RNF212B: variants seen among roughly 807,000 people sequenced by gnomAD.
RNF212B encodes the protein ring finger protein 212B.
Under a neutral mutation model 55.5 loss-of-function variants are expected in RNF212B, and 52 were observed. The ratio of observed to expected loss-of-function variants is 0.94; its 90% confidence interval spans 0.75 to 1.18. The LOEUF (loss-of-function observed/expected upper bound fraction) is 1.18, where lower values mean the gene tolerates loss of function less well. Ranked by LOEUF, RNF212B falls within the 50% of genes most tolerant of loss-of-function variation. The pLI is 0.00. For synonymous variants in RNF212B, 99 were observed against 121.4 expected, an observed-to-expected ratio of 0.82 and a Z score of 1.21; for missense variants, 289 against 350.4, an observed-to-expected ratio of 0.82 and a Z score of 1.40.
chr14:23,223,598 G>C (rs932750415), intron 2 of RNF212B, among the ~76,000 whole-genome samples: 1 of 152,014 alleles, frequency 6.6e-6, no homozygotes, highest in African/African-American at 2.4e-5. Flanking sequence ...CCCGTGATCT[G>C]CCCGCCTCAG....
intron 2 of RNF212B, among the ~76,000 whole-genome samples, chr14:23,215,058 A>G (rs1349553276): frequency 1.3e-5 from 2 of 152,188 alleles, no homozygotes; most frequent in South Asian, 4.1e-4. Flanking sequence ...TGTAATTCCA[A>G]TGTGTTGAGG....
At chr14:23,237,496 T>C (rs1215809205), upstream of RNF212B, among the ~76,000 whole-genome samples, 1 of 152,220 alleles carries the variant, frequency 6.6e-6, no homozygotes, top group African/African-American at 2.4e-5. Flanking sequence ...AATATCACAC[T>C]GTTCTTTGTC....
chr14:23,261,858 G>A (rs1028431342), intron 7 of RNF212B, among the ~76,000 whole-genome samples: 1 of 151,994 alleles, frequency 6.6e-6, no homozygotes, highest in Non-Finnish European at 1.5e-5. Flanking sequence ...CCAGCTGCTC[G>A]GGAGGCTGAG....
At chr14:23,238,768 A>ATC (rs1555316052) in intron 1 of RNF212B, among the ~76,000 whole-genome samples, 9 of 117,466 alleles carry the variant, frequency 7.7e-5, no homozygotes, top group African/African-American at 1.4e-4. Flanking sequence ...TAATAATAAT[A>ATC]ATAATAATAA....
intron 14 of RNF212B, 72 bp downstream of exon 14, chr14:23,270,733 A>G: frequency 1.0e-6 from 1 of 989,968 alleles, no homozygotes; most frequent in Non-Finnish European, 1.6e-6. Context: ...TAAATGCCTC[A>G]GGGTAGTGGA....
intron 3 of RNF212B, among the ~76,000 whole-genome samples, chr14:23,243,556 C>T (rs933318565): frequency 4.6e-5 from 7 of 151,084 alleles, no homozygotes; most frequent in Non-Finnish European, 8.8e-5. Context: ...ATTAGCCAGG[C>T]GTGGTGGTGC....
chr14:23,208,049 G>C (rs1422598818), intron 2 of RNF212B, among the ~76,000 whole-genome samples: 1 of 152,200 alleles, frequency 6.6e-6, no homozygotes, highest in Non-Finnish European at 1.5e-5. Flanking sequence ...TGACTTTGAA[G>C]AGAATGGGAG....
At position 23,267,696 on chromosome 14, in the gene RNF212B, T is replaced by G. The variant is rs555681001; in HGVS notation, c.635-1228T>G. Among the ~76,000 whole-genome samples the G allele has an allele frequency of 3.3e-5, 5 of 152,354 alleles. No individual in the cohort carries two copies. In the South Asian group the frequency reaches 1.0e-3, roughly 32 times the overall value. ...TGCCTGCCTCGGCCTCCCAAAGTGC[T>G]GAGGATTACAGGCATGAGCCACTGT... On this transcript the variant is annotated intron_variant, in intron 11 of 14. Coordinates refer to ENST00000430154, the MANE Select transcript of RNF212B (RefSeq NM_001282322.3).
chr14:23,209,026 G>A (rs111272087), intron 2 of RNF212B, among the ~76,000 whole-genome samples: 3 of 152,222 alleles, frequency 2.0e-5, no homozygotes, highest in African/African-American at 4.8e-5. Flanking sequence ...CCAGAGTGCT[G>A]GGATTACAGG....
At chr14:23,197,963 A>C (rs60478967) in intron 2 of RNF212B, among the ~76,000 whole-genome samples, 12,823 of 152,050 alleles carry the variant, frequency 0.084, 675 homozygotes, top group African/African-American at 0.14. Flanking sequence ...CACAAAGTAC[A>C]TTCTTAAGGG....
rs1885944002 is a variant in RNF212B at position 23,269,794 on chromosome 14, T to G, written c.675-69T>G. On this transcript the variant is annotated intron_variant, in intron 12 of 14. Coordinates refer to ENST00000430154, the MANE Select transcript of RNF212B (RefSeq NM_001282322.3). ...GGCCTAGCTGTATAGGCTCTTCCAT[T>G]ACATATGCTTTTTATTTTTACCTTT... 8 of 845,672 alleles carry G rather than the reference T, an allele frequency of 9.5e-6. No individual in the cohort carries two copies. In the Admixed American group the frequency reaches 1.4e-4, roughly 14 times the overall value. The allele number at this position is 845,672 out of a possible 1,614,324, so 52.4% of individuals were successfully genotyped here. A position where few individuals can be genotyped will look rare whatever the true frequency, so the allele number is the denominator to read the frequency against.
At chr14:23,214,552 A>G (rs889695856) in intron 2 of RNF212B, among the ~76,000 whole-genome samples, 3 of 151,890 alleles carry the variant, frequency 2.0e-5, no homozygotes, top group African/African-American at 7.2e-5. Context: ...TAAAAAAAGG[A>G]CAACCAAATA....
intron 1 of RNF212B, among the ~76,000 whole-genome samples, chr14:23,238,873 TAC>T (rs1354833801): frequency 1.2e-4 from 19 of 152,162 alleles, no homozygotes; most frequent in Admixed American, 1.1e-3. Flanking sequence ...GCTATATGAT[TAC>T]CATGTCTAAC....
intron 4 of RNF212B, among the ~76,000 whole-genome samples, chr14:23,251,814 C>CAAAAAAAAAAAAAAAAAAA (rs71119011): frequency 9.5e-5 from 13 of 136,382 alleles, no homozygotes; most frequent in South Asian, 4.8e-4. Context: ...GACTCTGTCT[C>CAAAAAAAAAAAAAAAAAAA]AAAAAAAAAA....
intron 2 of RNF212B, among the ~76,000 whole-genome samples, chr14:23,205,765 G>A (rs1352196866): frequency 6.6e-6 from 1 of 152,164 alleles, no homozygotes; most frequent in Non-Finnish European, 1.5e-5. Context: ...AGGATTAGAA[G>A]TTATGGCAAT....
chr14:23,218,006 A>G (rs1881248310), intron 2 of RNF212B, among the ~76,000 whole-genome samples: 1 of 152,166 alleles, frequency 6.6e-6, no homozygotes, highest in Admixed American at 6.6e-5. Context: ...GAGGAAATTC[A>G]GAATTCTATT....
intron 9 of RNF212B, among the ~76,000 whole-genome samples, chr14:23,263,853 T>C (rs71413977): frequency 0.18 from 26,696 of 152,128 alleles, 2,346 homozygotes; most frequent in Non-Finnish European, 0.19. Context: ...TTTGGGAGGC[T>C]GAGGCGAGTG....
chr14:23,244,455 A>T, intron 4 of RNF212B, 59 bp downstream of exon 4: 1 of 886,088 alleles, frequency 1.1e-6, no homozygotes, highest in South Asian at 1.6e-5. Flanking sequence ...ATTGCATCTT[A>T]TTCCTTTATC....
At chr14:23,209,506 TA>T (rs1269901823) in intron 2 of RNF212B, among the ~76,000 whole-genome samples, 1 of 152,206 alleles carries the variant, frequency 6.6e-6, no homozygotes, top group East Asian at 1.9e-4. Flanking sequence ...ATCCAATGTA[TA>T]AAATATACAT....
Sources: allele counts gnomAD v4.1 joint callset (sites outside exome capture counted in the v4.1 genomes callset), GRCh38; gene constraint gnomAD v4.1.1; transcripts MANE v1.5; gene names NCBI Gene and HGNC (gene_info 2026-07-23, HGNC 2026-07-21).